Variants in CACNA1A observed in about 807,000 individuals in gnomAD.
CACNA1A encodes the protein voltage-dependent P/Q-type calcium channel subunit alpha-1A.
In CACNA1A, 57 loss-of-function variants were observed where a neutral mutation model predicts 262.4. The ratio of observed to expected loss-of-function variants is 0.22; its 90% confidence interval spans 0.18 to 0.27. CACNA1A has a LOEUF of 0.27. Ranked by LOEUF, CACNA1A falls within the 10% of genes least tolerant of loss-of-function variation. The pLI, the probability that CACNA1A is intolerant of heterozygous loss-of-function variation, is 1.00. For synonymous variants in CACNA1A, 1,431 were observed against 1,419.3 expected, an observed-to-expected ratio of 1.01 and a Z score of -0.18; for missense variants, 2,526 against 3,562.8, an observed-to-expected ratio of 0.71 and a Z score of 7.41.
rs575048692 is a variant in CACNA1A, at chr19:13,480,200, C to T, written c.294-24988G>A. On this transcript the variant is annotated intron_variant, in intron 1 of 46. Coordinates refer to ENST00000360228, the MANE Select transcript of CACNA1A (RefSeq NM_001127222.2). ...TGTTTCCAATAACAGTTACACCAAG[C>T]GTGCTTGTCTTTCTGGCCTCCCCTT... Among the ~76,000 whole-genome samples, 275 of 152,254 alleles carry T rather than the reference C, an allele frequency of 1.8e-3. 1 individual carries two copies. The highest frequency in any genetic ancestry group is 6.1e-3 in the African/African-American group (252 of 41,526).
rs78182740 is a variant in CACNA1A at position 13,270,973 on chromosome 19, C to T, written c.3989+4877G>A. ...TGACAGGATGGCCTGAAATCCCTAT[C>T]CAGATCCTTTTCTTGCATAAGAATT... On this transcript the variant is annotated intron_variant, in intron 24 of 46. Coordinates refer to ENST00000360228, the MANE Select transcript of CACNA1A (RefSeq NM_001127222.2). Among the ~76,000 whole-genome samples, 739 of 152,246 alleles carry T rather than the reference C, an allele frequency of 4.9e-3. 9 individuals are homozygous for T. The highest frequency in any genetic ancestry group is 0.017 in the African/African-American group (686 of 41,540).
intron 1 of CACNA1A, among the ~76,000 whole-genome samples, chr19:13,472,547 G>T (rs141451110): frequency 5.2e-4 from 79 of 152,074 alleles, no homozygotes; most frequent in Admixed American, 1.7e-3. Flanking sequence ...AGCTACACTG[G>T]CTCATTTTTA....
chr19:13,400,687 G>A (rs1465489719), intron 3 of CACNA1A, among the ~76,000 whole-genome samples: 1 of 152,096 alleles, frequency 6.6e-6, no homozygotes, highest in Non-Finnish European at 1.5e-5. Context: ...GACATTTTTG[G>A]TTCTCACAAC....
At chr19:13,453,579 T>C (rs995614817) in intron 2 of CACNA1A, among the ~76,000 whole-genome samples, 3 of 152,216 alleles carry the variant, frequency 2.0e-5, no homozygotes, top group Non-Finnish European at 4.4e-5. Context: ...AGCTGGCATG[T>C]AGATTGTTAA....
chr19:13,225,034 C>T, intron 37 of CACNA1A: 2 of 406,964 alleles, frequency 4.9e-6, no homozygotes, highest in Non-Finnish European at 9.0e-6. Flanking sequence ...GCTGGCATTT[C>T]CAGGGTTTGC....
chr19:13,370,343 C>T (rs754549238), intron 4 of CACNA1A, among the ~76,000 whole-genome samples: 8 of 151,928 alleles, frequency 5.3e-5, no homozygotes, highest in Non-Finnish European at 1.2e-4. Context: ...TCAGGTGATC[C>T]ACCCATCCAC....
At chr19:13,251,804 G>T (rs558012523) in intron 30 of CACNA1A, among the ~76,000 whole-genome samples, 1 of 152,178 alleles carries the variant, frequency 6.6e-6, no homozygotes, top group African/African-American at 2.4e-5. Context: ...TTGCTCTGTT[G>T]CTCAGGCTGG....
chr19:13,232,231 C>T (rs1365706727), intron 34 of CACNA1A, among the ~76,000 whole-genome samples: 6 of 145,928 alleles, frequency 4.1e-5, no homozygotes, highest in African/African-American at 1.5e-4. Flanking sequence ...GGGTCTTGCT[C>T]TGTTACCCAG....
intron 15 of CACNA1A, 58 bp downstream of exon 15, chr19:13,307,724 G>A (rs2057935562): frequency 7.0e-7 from 1 of 1,427,440 alleles, no homozygotes; most frequent in Non-Finnish European, 9.9e-7. Flanking sequence ...TGTGGAGCAG[G>A]CACTTTCATC....
chr19:13,298,933 C>G lies in CACNA1A; in HGVS notation c.2700G>C (p.Glu900Asp), dbSNP rs763105498. The G allele has an allele frequency of 1.3e-6, 2 of 1,593,858 alleles. No homozygotes were observed. The highest frequency in any genetic ancestry group is 1.7e-6 in the Non-Finnish European group (2 of 1,177,542). ...ELSREGPYGR[E>D]SDHHAREGSL... ...TGCCCTCCCGGGCGTGGTGGTCCGA[C>G]TCGCGGCCGTAGGGTCCCTCCCGGC... The change falls in exon 19 of 47, where the codon GAG (glutamate) becomes GAC (aspartate). Residue 900 changes from glutamate (E) to aspartate (D), a missense_variant. Around this residue, in one of 17 missense-constraint regions of CACNA1A, gnomAD observed 765 missense variants for 748.6 expected, o/e 1.02. Coordinates refer to ENST00000360228, the MANE Select transcript of CACNA1A (RefSeq NM_001127222.2).
chr19:13,326,788 C>CA (rs527327502), intron 10 of CACNA1A, among the ~76,000 whole-genome samples: 15,757 of 129,288 alleles, frequency 0.12, 1,416 homozygotes, highest in East Asian at 0.5. Context: ...GACACTGTCT[C>CA]AAAAAAAAAA....
In CACNA1A at chr19:13,452,911, G is replaced by T; in HGVS notation, c.504C>A (p.Gly168=). 6.2e-7 allele frequency: 1 copy of T among 1,613,862 alleles called. No homozygotes were observed. Among genetic ancestry groups the T allele is most frequent in the Non-Finnish European group, 8.5e-7 (1 of 1,179,752 alleles). Residue 168 remains glycine, a synonymous_variant, in exon 3 of 47, where the codon GGC becomes GGA. Coordinates refer to ENST00000360228, the MANE Select transcript of CACNA1A (RefSeq NM_001127222.2). ...AFHKGSYLRN[G]WNVMDFVVVL... is the part of the protein sequence containing the mutation. ...CCACCACAAAGTCCATGACATTCCA[G>T]CCATTCCTCAAGTAGGAGCCTTTGT...
At chr19:13,494,431 T>C (rs776060731) in intron 1 of CACNA1A, among the ~76,000 whole-genome samples, 2 of 152,124 alleles carry the variant, frequency 1.3e-5, no homozygotes, top group Non-Finnish European at 2.9e-5. Context: ...AAATAGCTTA[T>C]GCTGAACAGA....
Position 13,206,906 on chromosome 19 carries a change from G to A in CACNA1A, c.*407C>T, listed in dbSNP as rs865981912. On this transcript the variant is annotated 3_prime_UTR_variant, in exon 47 of 47. Coordinates refer to ENST00000360228, the MANE Select transcript of CACNA1A (RefSeq NM_001127222.2). ...ATTGAGATGATAAAACTCATCAATA[G>A]AAGCTATTTTTTTCTCCCCGTTTTT... The A allele has an allele frequency of 7.0e-6, 1 of 143,464 alleles. No homozygotes were observed. The highest frequency in any genetic ancestry group is 2.3e-4 in the East Asian group (1 of 4,382). The allele number at this position is 143,464 out of a possible 1,614,324, so 8.9% of individuals were successfully genotyped here. A position where few individuals can be genotyped will look rare whatever the true frequency, so the allele number is the denominator to read the frequency against.
rs1232743280 is a variant in CACNA1A at position 13,361,168 on chromosome 19, C to T, written c.785-1369G>A. Among the ~76,000 whole-genome samples the T allele has an allele frequency of 2.0e-5, 3 of 152,226 alleles. No individual in the cohort carries two copies. In the East Asian group the frequency reaches 5.8e-4, roughly 29 times the overall value. The stretch of plus-strand genomic sequence containing the variant: ...TGGGGGTGAGGGACACCAGTACACA[C>T]AGTTCCTACCCTTGCCTAAGGGTAA... On this transcript the variant is annotated intron_variant, in intron 5 of 46. Transcript: ENST00000360228.
At chr19:13,463,459 G>A (rs1363592227) in intron 1 of CACNA1A, among the ~76,000 whole-genome samples, 1 of 152,166 alleles carries the variant, frequency 6.6e-6, no homozygotes. Context: ...TAGCAGGGAT[G>A]GCATGCTAAC....
At chr19:13,263,767 C>T (rs1031356155) in intron 24 of CACNA1A, among the ~76,000 whole-genome samples, 3 of 152,138 alleles carry the variant, frequency 2.0e-5, no homozygotes, top group Admixed American at 2.0e-4. Flanking sequence ...GTGATCCACC[C>T]ACCTTGGCCT....
At chr19:13,248,621 T>C (rs1282163008) in intron 30 of CACNA1A, among the ~76,000 whole-genome samples, 1 of 151,858 alleles carries the variant, frequency 6.6e-6, no homozygotes, top group Non-Finnish European at 1.5e-5. Flanking sequence ...GGCAGGCGGA[T>C]CACCTGAGGT....
intron 10 of CACNA1A, among the ~76,000 whole-genome samples, chr19:13,323,572 A>G (rs546307956): frequency 6.6e-6 from 1 of 152,076 alleles, no homozygotes; most frequent in Non-Finnish European, 1.5e-5. Context: ...AGGGATCGTC[A>G]CATCTTAGCC....
Sources: gnomAD v4.1 joint callset for allele counts (sites outside exome capture counted in the v4.1 genomes callset) on GRCh38, gnomAD v4.1.1 for gene constraint, gnomAD v4.1.1 regional missense constraint, MANE v1.5 for transcripts, NCBI Gene and HGNC (gene_info 2026-07-23, HGNC 2026-07-21) for gene names.